The following CD200R1L variants were observed in gnomAD, a reference collection of about 807,000 sequenced individuals.
CD200R1L encodes the protein CD200 receptor 1 like.
CD200R1L carries 14 observed loss-of-function variants against 24.8 expected under a neutral mutation model. The observed-to-expected ratio is 0.56, with a 90% CI of 0.37 to 0.88. The LOEUF is 0.88. CD200R1L is among the 40% of genes least tolerant of loss of function. CD200R1L has a pLI of 0.00. For synonymous variants in CD200R1L, 111 were observed against 109.2 expected, an observed-to-expected ratio of 1.02 and a Z score of -0.11; for missense variants, 299 against 297.8, an observed-to-expected ratio of 1.00 and a Z score of -0.03.
chr3:112,844,508 G>A (rs1349038791), intron 2 of CD200R1L, among the ~76,000 whole-genome samples: 1 of 152,114 alleles, frequency 6.6e-6, no homozygotes, highest in Non-Finnish European at 1.5e-5. Flanking sequence ...TTAAAACAGA[G>A]GCATGACATA....
intron 3 of CD200R1L, among the ~76,000 whole-genome samples, chr3:112,831,168 AT>A (rs1438132360): frequency 1.3e-5 from 2 of 152,168 alleles, no homozygotes; most frequent in Non-Finnish European, 2.9e-5. Flanking sequence ...TTTTACAATG[AT>A]TTTTGTATAA....
In CD200R1L at chr3:112,832,807, C is replaced by T. The variant is rs373375870; in HGVS notation, c.-17-3423G>A. Among the ~76,000 whole-genome samples the T allele has an allele frequency of 2.2e-3, 338 of 152,308 alleles. 2 individuals are homozygous for T. The highest frequency in any genetic ancestry group is 7.8e-3 in the African/African-American group (324 of 41,574). On this transcript the variant is annotated intron_variant, in intron 3 of 7. Transcript: ENST00000488794. ...AAAAATAAGTTTGTATTCCACAGGA[C>T]AGTAGAGAGTATATAAATATGGTCT... is the stretch of plus-strand genomic sequence containing the variant.
At chr3:112,822,570 T>C (rs1208879541) in intron 6 of CD200R1L, among the ~76,000 whole-genome samples, 1 of 152,180 alleles carries the variant, frequency 6.6e-6, no homozygotes. Context: ...GCTGGGAGGT[T>C]GGCACTCCCA....
In CD200R1L at chr3:112,826,977, A is replaced by C; in HGVS notation, c.616+16T>G. The C allele has an allele frequency of 6.4e-7, 1 of 1,565,066 alleles. No homozygotes were observed. The highest frequency in any genetic ancestry group is 2.0e-5 in the Admixed American group (1 of 50,898). ...TGAGCATCAAGTTTACTCTTCTACA[A>C]GAAACAGGCGCTTACCTGAATTCAA... On this transcript the variant is annotated intron_variant, in intron 6 of 7. Transcript: ENST00000488794.
intron 2 of CD200R1L, among the ~76,000 whole-genome samples, chr3:112,838,977 A>G (rs1308605334): frequency 6.6e-6 from 1 of 152,202 alleles, no homozygotes; most frequent in African/African-American, 2.4e-5. Flanking sequence ...GAGTTTGCAG[A>G]CTACAAGTCC....
Position 112,845,789 on chromosome 3 carries a change from A to G in CD200R1L, c.-197T>C. The G allele has an allele frequency of 7.6e-7, 1 of 1,321,146 alleles. No homozygotes were observed. Among genetic ancestry groups the G allele is most frequent in the South Asian group, 1.2e-5 (1 of 83,132 alleles). The allele number at this position is 1,321,146 out of a possible 1,614,324, so 81.8% of individuals were successfully genotyped here. A position where few individuals can be genotyped will look rare whatever the true frequency, so the allele number is the denominator to read the frequency against. The stretch of plus-strand genomic sequence containing the variant: ...ACATAAATCCACTTTAAATCAATCA[A>G]CAGACTTGGTGAATCTGTTTCTCTT... On this transcript the variant is annotated 5_prime_UTR_variant, in exon 2 of 8. Transcript: ENST00000488794.
chr3:112,844,065 T>C (rs1304387594), intron 2 of CD200R1L, among the ~76,000 whole-genome samples: 1 of 152,246 alleles, frequency 6.6e-6, no homozygotes, highest in East Asian at 1.9e-4. Flanking sequence ...AAAGTATTTC[T>C]AATCCTGTGG....
chr3:112,834,973 AG>A (rs1430230263), intron 3 of CD200R1L, among the ~76,000 whole-genome samples: 1 of 152,228 alleles, frequency 6.6e-6, no homozygotes, highest in African/African-American at 2.4e-5. Flanking sequence ...GCCCTGGCTC[AG>A]GGAGCTCCTA....
intron 6 of CD200R1L, among the ~76,000 whole-genome samples, chr3:112,822,215 C>G (rs1485049170): frequency 2.0e-5 from 3 of 152,212 alleles, no homozygotes. Flanking sequence ...TGGCACACTT[C>G]CAAGGATTTT....
chr3:112,833,180 A>T (rs1009117363), intron 3 of CD200R1L, among the ~76,000 whole-genome samples: 4 of 152,204 alleles, frequency 2.6e-5, no homozygotes, highest in Non-Finnish European at 5.9e-5. Context: ...CCTGCTGCAT[A>T]TTTGCGATTA....
chr3:112,816,461 C>T (rs1380623146), intron 7 of CD200R1L, among the ~76,000 whole-genome samples: 1 of 152,122 alleles, frequency 6.6e-6, no homozygotes, highest in Non-Finnish European at 1.5e-5. Flanking sequence ...ATTTTGTTGG[C>T]CAAAGCAAAC....
chr3:112,845,102 A>G (rs1478845888), intron 2 of CD200R1L, among the ~76,000 whole-genome samples: 2 of 152,012 alleles, frequency 1.3e-5, no homozygotes, highest in Admixed American at 6.6e-5. Context: ...CCAAAAGGTG[A>G]CTCCTTGAAA....
At chr3:112,842,295 A>C (rs1304266662) in intron 2 of CD200R1L, among the ~76,000 whole-genome samples, 1 of 152,218 alleles carries the variant, frequency 6.6e-6, no homozygotes, top group Non-Finnish European at 1.5e-5. Flanking sequence ...GAGGAACATA[A>C]ACTGTGAAGA....
Position 112,827,044 on chromosome 3 carries a change from G to A in CD200R1L, c.565C>T (p.His189Tyr), listed in dbSNP as rs375349280. ...TTGTTGCCAGTCAAATGGGAGACATGGCAGGTCACAGTAGACTTGTGGCCC... is the reference window on the plus strand; with the variant it reads ...TTGTTGCCAGTCAAATGGGAGACATAGCAGGTCACAGTAGACTTGTGGCCC... ...WEGHKSTVTC[H>Y]VSHLTGNKSL... is the part of the protein sequence containing the mutation. The change falls in exon 6 of 8, where the codon CAT (histidine) becomes TAT (tyrosine). Residue 189 changes from histidine (H) to tyrosine (Y), a missense_variant. His to Tyr is a moderately conservative substitution (Grantham distance 83). Coordinates refer to ENST00000488794, the MANE Select transcript of CD200R1L (RefSeq NM_001199215.3). 1.2e-6 allele frequency: 2 copies of A among 1,610,300 alleles called. No homozygotes were observed. The highest frequency in any genetic ancestry group is 1.7e-6 in the Non-Finnish European group (2 of 1,178,608).
chr3:112,838,500 G>A (rs1473108947), intron 2 of CD200R1L, among the ~76,000 whole-genome samples: 3 of 144,568 alleles, frequency 2.1e-5, no homozygotes, highest in East Asian at 2.0e-4. Flanking sequence ...AAAAAAAAAC[G>A]GTAAGGGAAA....
intron 1 of CD200R1L, among the ~76,000 whole-genome samples, chr3:112,846,153 C>T (rs1939198081): frequency 6.6e-6 from 1 of 152,162 alleles, no homozygotes; most frequent in Non-Finnish European, 1.5e-5. Context: ...ACTTCCAAAA[C>T]CAAGATGTTG....
At chr3:112,844,054 A>C (rs562396885) in intron 2 of CD200R1L, among the ~76,000 whole-genome samples, 18 of 152,246 alleles carry the variant, frequency 1.2e-4, no homozygotes, top group Non-Finnish European at 1.9e-4. Flanking sequence ...AATAAAAATA[A>C]AAAGTATTTC....
At position 112,837,921 on chromosome 3, in the gene CD200R1L, TTAAG is replaced by T. The variant is rs1938989418; in HGVS notation, c.-18+17_-18+20del. On this transcript the variant is annotated intron_variant, in intron 3 of 7. Transcript: ENST00000488794. ...TCCAACCCTCCCATCAAACTGGTTA[TTAAG>T]TAAGTGAGCATTTTACCTTCATTAA... 2.7e-6 allele frequency: 3 copies of T among 1,093,964 alleles called. No individual in the cohort carries two copies. Among genetic ancestry groups the T allele is most frequent in the Non-Finnish European group, 2.3e-6 (2 of 858,300 alleles). 67.8% of individuals were successfully genotyped at this position (1,093,964 alleles called of 1,614,324 possible). A position where few individuals can be genotyped will look rare whatever the true frequency, so the allele number is the denominator to read the frequency against.
intron 2 of CD200R1L, among the ~76,000 whole-genome samples, chr3:112,844,960 A>G (rs1279635847): frequency 6.6e-6 from 1 of 152,098 alleles, no homozygotes; most frequent in Non-Finnish European, 1.5e-5. Flanking sequence ...TAAAAAGAAG[A>G]GGAAGTTGAA....
Sources: allele counts gnomAD v4.1 joint callset (sites outside exome capture counted in the v4.1 genomes callset), GRCh38; gene constraint gnomAD v4.1.1; transcripts MANE v1.5; gene names NCBI Gene and HGNC (gene_info 2026-07-23, HGNC 2026-07-21).